The following ROBO2 variants were observed in gnomAD, a reference collection of about 807,000 sequenced individuals.
ROBO2 encodes the protein roundabout homolog 2.
Under a neutral mutation model 160.8 loss-of-function variants are expected in ROBO2, and 53 were observed. That is an observed-to-expected ratio of 0.33 (90% CI 0.26 to 0.41). The LOEUF (loss-of-function observed/expected upper bound fraction) is 0.41, where lower values mean the gene tolerates loss of function less well. Ranked by LOEUF, ROBO2 falls within the 10% of genes least tolerant of loss-of-function variation. ROBO2 has a pLI of 1.00. For missense variants in ROBO2, 1,577 were observed against 1,722.4 expected, an observed-to-expected ratio of 0.92 and a Z score of 1.49; for synonymous variants, 664 against 611.7, an observed-to-expected ratio of 1.09 and a Z score of -1.26.
chr3:77,002,400 C>T (rs1479606444), intron 2 of ROBO2, among the ~76,000 whole-genome samples: 2 of 149,604 alleles, frequency 1.3e-5, no homozygotes, highest in Non-Finnish European at 3.0e-5. Context: ...ATTGATAATA[C>T]ATTATTTTGT....
At chr3:77,036,588 C>A (rs2063650958), upstream of ROBO2, among the ~76,000 whole-genome samples, 1 of 152,016 alleles carries the variant, frequency 6.6e-6, no homozygotes, top group Admixed American at 6.6e-5. Flanking sequence ...GGGATAATGA[C>A]AGTTTCTTAC....
At chr3:76,512,417 T>C (rs1386025580) in intron 2 of ROBO2, among the ~76,000 whole-genome samples, 1 of 151,908 alleles carries the variant, frequency 6.6e-6, no homozygotes, top group East Asian at 1.9e-4. Flanking sequence ...GTTGCTGTTG[T>C]TTAACAGCAG....
chr3:76,153,451 T>G (rs2072284419), intron 2 of ROBO2, among the ~76,000 whole-genome samples: 1 of 152,218 alleles, frequency 6.6e-6, no homozygotes, highest in East Asian at 1.9e-4. Context: ...TTGTTGTTGT[T>G]GTTGTATTGG....
At chr3:76,272,013 A>T (rs765183951) in intron 2 of ROBO2, among the ~76,000 whole-genome samples, 1 of 152,162 alleles carries the variant, frequency 6.6e-6, no homozygotes, top group Non-Finnish European at 1.5e-5. Context: ...TGCTTCATAC[A>T]TCCATATTCT....
At position 77,648,724 on chromosome 3, in the gene ROBO2, A is replaced by G. The variant is rs574393915; in HGVS notation, c.*2669A>G. Reference sequence around the variant, plus strand: ...GCTACTGACAAAGTAGTAAAAAGCTACTAATCAGTGTTGAGTCAGATGTCA... The same window carrying G: ...GCTACTGACAAAGTAGTAAAAAGCTGCTAATCAGTGTTGAGTCAGATGTCA... On this transcript the variant is annotated 3_prime_UTR_variant, in exon 26 of 26. Coordinates refer to ENST00000461745, the Ensembl canonical transcript of ROBO2. The G allele has an allele frequency of 2.6e-5, 4 of 152,326 alleles. No individual in the cohort carries two copies. In the East Asian group the frequency reaches 7.7e-4, roughly 29 times the overall value. The allele number at this position is 152,326 out of a possible 1,614,324, so 9.4% of individuals were successfully genotyped here. A position where few individuals can be genotyped will look rare whatever the true frequency, so the allele number is the denominator to read the frequency against.
intron 2 of ROBO2, among the ~76,000 whole-genome samples, chr3:76,911,671 A>G (rs1397735911): frequency 6.6e-6 from 1 of 152,218 alleles, no homozygotes; most frequent in Non-Finnish European, 1.5e-5. Context: ...CCAAGTTTGA[A>G]AGATTTTTTT....
chr3:75,985,003 T>C (rs972136798), intron 2 of ROBO2, among the ~76,000 whole-genome samples: 2 of 151,582 alleles, frequency 1.3e-5, no homozygotes, highest in Non-Finnish European at 3.0e-5. Context: ...GCATGTTTCC[T>C]TGGAGATCTT....
At chr3:76,987,293 T>A (rs1401960689) in intron 2 of ROBO2, among the ~76,000 whole-genome samples, 1 of 152,194 alleles carries the variant, frequency 6.6e-6, no homozygotes, top group African/African-American at 2.4e-5. Context: ...ACAAAGAACA[T>A]GCTTTCTCAG....
intron 21 of ROBO2, among the ~76,000 whole-genome samples, chr3:77,613,957 G>T (rs1005804035): frequency 2.0e-5 from 3 of 152,148 alleles, no homozygotes; most frequent in Non-Finnish European, 4.4e-5. Flanking sequence ...GGTAAAACTG[G>T]AGGAGTACAG....
At chr3:76,441,314 T>C (rs1302170228) in intron 2 of ROBO2, among the ~76,000 whole-genome samples, 1 of 152,194 alleles carries the variant, frequency 6.6e-6, no homozygotes, top group East Asian at 1.9e-4. Context: ...AACCTATGAA[T>C]AATATATGTC....
intron 2 of ROBO2, among the ~76,000 whole-genome samples, chr3:76,635,937 C>T (rs1335315751): frequency 6.6e-6 from 1 of 152,164 alleles, no homozygotes; most frequent in South Asian, 2.1e-4. Context: ...AGAGCATCAG[C>T]CCAGCCTGCT....
At chr3:76,541,074 A>G (rs549654433) in intron 2 of ROBO2, among the ~76,000 whole-genome samples, 140 of 152,326 alleles carry the variant, frequency 9.2e-4, no homozygotes, top group Non-Finnish European at 1.7e-3. Flanking sequence ...TGCTGTGACT[A>G]CAGGCATGAG....
intron 1 of ROBO2, among the ~76,000 whole-genome samples, chr3:75,925,730 G>C (rs1947267828): frequency 6.6e-6 from 1 of 152,166 alleles, no homozygotes; most frequent in African/African-American, 2.4e-5. Flanking sequence ...TTATGTGTGG[G>C]ACATTATGTT....
At chr3:76,687,020 A>G (rs961733245) in intron 2 of ROBO2, among the ~76,000 whole-genome samples, 5 of 152,042 alleles carry the variant, frequency 3.3e-5, no homozygotes, top group African/African-American at 7.2e-5. Context: ...CTTGTTTTCT[A>G]TGTATCCTTT....
At chr3:76,528,012 G>C (rs1299662960) in intron 2 of ROBO2, among the ~76,000 whole-genome samples, 1 of 151,924 alleles carries the variant, frequency 6.6e-6, no homozygotes, top group Non-Finnish European at 1.5e-5. Context: ...GGGGGTGTGG[G>C]GTGCAGAATG....
At chr3:77,515,618 T>G (rs1053839899) in intron 5 of ROBO2, among the ~76,000 whole-genome samples, 2 of 151,662 alleles carry the variant, frequency 1.3e-5, no homozygotes, top group African/African-American at 4.8e-5. Context: ...AGGAAAAAAT[T>G]CTGAGAAGCA....
At chr3:76,308,376 C>CAAAAAAAAAAAAA (rs71277580) in intron 2 of ROBO2, among the ~76,000 whole-genome samples, 2 of 85,580 alleles carry the variant, frequency 2.3e-5, no homozygotes, top group African/African-American at 9.5e-5. Flanking sequence ...GACTCTGTCT[C>CAAAAAAAAAAAAA]AAAAAAAAAA....
chr3:77,295,532 A>C (rs1183336595), intron 2 of ROBO2, among the ~76,000 whole-genome samples: 1 of 146,756 alleles, frequency 6.8e-6, no homozygotes, highest in Non-Finnish European at 1.5e-5. Context: ...TTAAATGGGT[A>C]AGCTGAGGCT....
At chr3:75,999,947 T>C (rs949447867) in intron 2 of ROBO2, among the ~76,000 whole-genome samples, 42 of 152,230 alleles carry the variant, frequency 2.8e-4, no homozygotes, top group African/African-American at 9.9e-4. Flanking sequence ...AGTATTTTCT[T>C]AAATGGACAT....
Sources: allele counts gnomAD v4.1 joint callset (sites outside exome capture counted in the v4.1 genomes callset), GRCh38; gene constraint gnomAD v4.1.1; transcripts MANE v1.5; gene names NCBI Gene and HGNC (gene_info 2026-07-23, HGNC 2026-07-21).